NKAIN3: variants seen among roughly 807,000 people sequenced by gnomAD.
The protein encoded by NKAIN3 is sodium/potassium-transporting ATPase subunit beta-1-interacting protein 3.
Under a neutral mutation model 30.2 loss-of-function variants are expected in NKAIN3, and 25 were observed. That is an observed-to-expected ratio of 0.83 (90% CI 0.60 to 1.16). NKAIN3 has a LOEUF of 1.16. NKAIN3 is among the 50% of genes most tolerant of loss of function. NKAIN3 has a pLI of 0.00. For missense variants in NKAIN3, 225 were observed against 254.1 expected (o/e 0.89, Z 0.78); for synonymous variants, 91 against 89.6 (o/e 1.02, Z -0.09).
chr8:62,751,989 T>C (rs79015888), intron 4 of NKAIN3, among the ~76,000 whole-genome samples: 7,087 of 152,246 alleles, frequency 0.047, 235 homozygotes, highest in Non-Finnish European at 0.072. Context: ...TTGTGTTCTT[T>C]TTTCACTTGT....
At chr8:62,648,356 AG>A (rs908133969) in intron 3 of NKAIN3, among the ~76,000 whole-genome samples, 10 of 152,106 alleles carry the variant, frequency 6.6e-5, no homozygotes, top group Non-Finnish European at 1.3e-4. Context: ...GAAATGACCG[AG>A]GGAGAACCCT....
chr8:62,928,350 C>T lies in NKAIN3; in HGVS notation c.532+9837C>T, dbSNP rs1024691537. On this transcript the variant is annotated intron_variant, in intron 5 of 6. Transcript: ENST00000623646. ...TCTCTCTCTCCCTCTCTCTCTTTCT[C>T]GCTGATTTTAAGTACAGAAAATCTA... is the stretch of plus-strand genomic sequence containing the variant. Among the ~76,000 whole-genome samples the T allele has an allele frequency of 6.6e-5, 10 of 152,272 alleles. 1 individual carries two copies. The highest frequency in any genetic ancestry group is 2.6e-4 in the Admixed American group (4 of 15,298).
intron 1 of NKAIN3, among the ~76,000 whole-genome samples, chr8:62,572,214 C>A (rs200792180): frequency 6.6e-6 from 1 of 152,150 alleles, no homozygotes; most frequent in African/African-American, 2.4e-5. Flanking sequence ...TAAATCATCT[C>A]TCTGAAGTTC....
downstream of NKAIN3, among the ~76,000 whole-genome samples, chr8:62,985,456 T>C (rs956363862): frequency 5.9e-5 from 9 of 152,204 alleles, no homozygotes; most frequent in African/African-American, 2.2e-4. Flanking sequence ...CTCTATCTTG[T>C]TGCTCCCAAG....
intron 2 of NKAIN3, among the ~76,000 whole-genome samples, chr8:62,587,170 T>C (rs1296686483): frequency 6.6e-6 from 1 of 151,966 alleles, no homozygotes; most frequent in Non-Finnish European, 1.5e-5. Flanking sequence ...TCTCTAGCTA[T>C]CTCTTTTCTT....
chr8:62,497,592 G>C (rs192853009), intron 1 of NKAIN3, among the ~76,000 whole-genome samples: 1 of 151,974 alleles, frequency 6.6e-6, no homozygotes, highest in South Asian at 2.1e-4. Context: ...ATTTTCAATG[G>C]AGACACACCA....
At chr8:62,899,379 A>G (rs1051074480) in intron 4 of NKAIN3, among the ~76,000 whole-genome samples, 2 of 152,240 alleles carry the variant, frequency 1.3e-5, no homozygotes, top group Non-Finnish European at 2.9e-5. Context: ...GTACATATAC[A>G]CAATGGAGTA....
chr8:62,737,272 G>A (rs1815704964), intron 3 of NKAIN3, among the ~76,000 whole-genome samples: 1 of 152,156 alleles, frequency 6.6e-6, no homozygotes, highest in South Asian at 2.1e-4. Flanking sequence ...TTTGATGATA[G>A]GAATGAGCAG....
intron 4 of NKAIN3, among the ~76,000 whole-genome samples, chr8:62,789,678 A>T (rs1262860059): frequency 6.6e-6 from 1 of 152,100 alleles, no homozygotes; most frequent in African/African-American, 2.4e-5. Context: ...AGAATACTAC[A>T]AACACCTCTA....
intron 1 of NKAIN3, among the ~76,000 whole-genome samples, chr8:62,486,275 C>T (rs1418331423): frequency 1.3e-5 from 2 of 151,896 alleles, no homozygotes; most frequent in Non-Finnish European, 2.9e-5. Context: ...TAAGGCAGGC[C>T]GGTATCAGAG....
chr8:62,410,886 CAAA>C (rs964783428), intron 1 of NKAIN3, among the ~76,000 whole-genome samples: 3 of 151,820 alleles, frequency 2.0e-5, no homozygotes, highest in Non-Finnish European at 4.4e-5. Context: ...ACAACAACAA[CAAA>C]AAAATCAGTG....
chr8:62,864,058 G>A, intron 4 of NKAIN3: 1 of 689,444 alleles, frequency 1.5e-6, no homozygotes, highest in South Asian at 1.6e-5. Context: ...GGCCTGAATG[G>A]GCAACACTTT....
chr8:62,555,727 G>A (rs76710347), intron 1 of NKAIN3, among the ~76,000 whole-genome samples: 1,567 of 152,054 alleles, frequency 0.01, 26 homozygotes, highest in African/African-American at 0.032. Flanking sequence ...ATTCCAGGAA[G>A]ACTGCAAATT....
intron 3 of NKAIN3, among the ~76,000 whole-genome samples, chr8:62,731,454 A>C: frequency 6.6e-6 from 1 of 152,130 alleles, no homozygotes; most frequent in East Asian, 1.9e-4. Flanking sequence ...AATACAAGGA[A>C]AATGATTTTA....
chr8:62,535,433 T>G (rs899362727), intron 1 of NKAIN3, among the ~76,000 whole-genome samples: 1 of 151,910 alleles, frequency 6.6e-6, no homozygotes, highest in Non-Finnish European at 1.5e-5. Flanking sequence ...GAGGGCTCAG[T>G]CCCTAAGACT....
intron 1 of NKAIN3, among the ~76,000 whole-genome samples, chr8:62,458,002 G>A (rs1211056829): frequency 6.6e-6 from 1 of 152,104 alleles, no homozygotes; most frequent in Non-Finnish European, 1.5e-5. Flanking sequence ...CTATGCATAG[G>A]TAGGCCCTCG....
rs558712992 is a variant in NKAIN3, at chr8:62,963,120, T to C, written c.604-2234T>C. On this transcript the variant is annotated intron_variant, in intron 6 of 6. Transcript: ENST00000623646. ...TTTGGTCAGGCTGCTCTCAAACTCC[T>C]GACCTCGGGTGATCCACCAGACTCA... Among the ~76,000 whole-genome samples the C allele has an allele frequency of 3.3e-5, 5 of 152,322 alleles. 1 individual carries two copies. Among genetic ancestry groups the C allele is most frequent in the Admixed American group, 3.3e-4 (5 of 15,306 alleles).
rs532665471 is a variant in NKAIN3 at position 62,977,063 on chromosome 8, G to A, written c.*11656G>A. ...CTGCAGAGAGATCTGCTGTTAGTAT[G>A]ATGGGCTTCCCTTTGTAGGTAACCC... is the stretch of plus-strand genomic sequence containing the variant. On this transcript the variant is annotated 3_prime_UTR_variant, in exon 7 of 7. Transcript: ENST00000623646. 5.3e-5 allele frequency among the ~76,000 whole-genome samples: 8 copies of A among 152,170 alleles called. No individual in the cohort carries two copies. In the South Asian group the frequency reaches 1.7e-3, roughly 32 times the overall value.
At chr8:62,770,192 C>T (rs568388514) in intron 4 of NKAIN3, among the ~76,000 whole-genome samples, 1 of 152,314 alleles carries the variant, frequency 6.6e-6, no homozygotes, top group Non-Finnish European at 1.5e-5. Flanking sequence ...ACATCCCTGG[C>T]TCATTGGGTG....
Sources: allele counts gnomAD v4.1 joint callset (sites outside exome capture counted in the v4.1 genomes callset), GRCh38; gene constraint gnomAD v4.1.1; transcripts MANE v1.5; gene names NCBI Gene and HGNC (gene_info 2026-07-23, HGNC 2026-07-21).